KIF2A: variants seen among roughly 807,000 people sequenced by gnomAD.
KIF2A encodes kinesin family member 2A.
KIF2A carries 22 observed loss-of-function variants against 100.2 expected under a neutral mutation model. That is an observed-to-expected ratio of 0.22 (90% CI 0.16 to 0.31). KIF2A has a LOEUF of 0.31. Ranked by LOEUF, KIF2A falls within the 10% of genes least tolerant of loss-of-function variation. KIF2A has a pLI of 1.00. For missense variants in KIF2A, 495 were observed against 898.7 expected (o/e 0.55, Z 5.74); for synonymous variants, 268 against 285.9 (o/e 0.94, Z 0.63).
At chr5:62,364,799 G>A (rs1740988143) in intron 14 of KIF2A, among the ~76,000 whole-genome samples, 1 of 151,976 alleles carries the variant, frequency 6.6e-6, no homozygotes, top group African/African-American at 2.4e-5. Flanking sequence ...TCTACACTAT[G>A]CTTTAAAACT....
chr5:62,381,954 C>T (rs1054658466), intron 20 of KIF2A, among the ~76,000 whole-genome samples: 6 of 152,154 alleles, frequency 3.9e-5, no homozygotes, highest in Non-Finnish European at 5.9e-5. Context: ...CCTACTAAGT[C>T]GTGTCTTTTT....
chr5:62,333,645 G>A (rs150879521), intron 1 of KIF2A, among the ~76,000 whole-genome samples: 2,402 of 152,218 alleles, frequency 0.016, 59 homozygotes, highest in African/African-American at 0.053. Context: ...CCGTTATGGT[G>A]GTTCTCTGCC....
intron 1 of KIF2A, among the ~76,000 whole-genome samples, chr5:62,336,431 C>T (rs1012423038): frequency 2.6e-5 from 4 of 152,132 alleles, no homozygotes. Flanking sequence ...AAAGTCATAC[C>T]AATTATTGTG....
intron 1 of KIF2A, among the ~76,000 whole-genome samples, chr5:62,317,498 A>G (rs150580054): frequency 5.4e-4 from 82 of 152,382 alleles, no homozygotes; most frequent in Middle Eastern, 3.4e-3. Flanking sequence ...GACTTGTCCA[A>G]GGTCATACAT....
At position 62,390,991 on chromosome 5, in the gene KIF2A, A is replaced by G; in HGVS notation, c.*5422A>G. On this transcript the variant is annotated 3_prime_UTR_variant, in exon 21 of 21. Transcript: ENST00000407818. ...AAATCTTCTGGTATTATCTATCAAT[A>G]TAAGATTCAGAATAAATGAACGACA... 3.1e-6 allele frequency: 5 copies of G among 1,608,072 alleles called. 1 individual carries two copies. The South Asian group carries it at 4.4e-5, about 14-fold the overall frequency.
intron 1 of KIF2A, among the ~76,000 whole-genome samples, chr5:62,312,132 C>CA (rs34938516): frequency 0.055 from 8,298 of 152,228 alleles, 321 homozygotes; most frequent in East Asian, 0.13. Context: ...CAAAGAAGCT[C>CA]AAAAAACTTA....
chr5:62,340,120 A>G (rs1747217474), intron 1 of KIF2A, among the ~76,000 whole-genome samples: 1 of 151,972 alleles, frequency 6.6e-6, no homozygotes, highest in South Asian at 2.1e-4. Context: ...TGTTTTTAGT[A>G]GAGAGGGGGT....
At chr5:62,333,089 C>A (rs531581810) in intron 1 of KIF2A, among the ~76,000 whole-genome samples, 1 of 152,152 alleles carries the variant, frequency 6.6e-6, no homozygotes, top group Non-Finnish European at 1.5e-5. Context: ...AACAGTCTAT[C>A]GATTATATTT....
chr5:62,364,718 T>C (rs73102077), intron 14 of KIF2A, among the ~76,000 whole-genome samples: 2,491 of 152,312 alleles, frequency 0.016, 60 homozygotes, highest in African/African-American at 0.058. Flanking sequence ...TCCAGAAATA[T>C]CTGTTGGAAG....
rs1024470548 is a variant in KIF2A, at chr5:62,355,022, C to T, written c.559-137C>T. 1.1e-5 allele frequency: 6 copies of T among 526,152 alleles called. No homozygotes were observed. In the African/African-American group the frequency reaches 1.2e-4, roughly 10 times the overall value. The allele number at this position is 526,152 out of a possible 1,614,324, so 32.6% of individuals were successfully genotyped here. On this transcript the variant is annotated intron_variant, in intron 6 of 20. Coordinates refer to ENST00000407818, the MANE Select transcript of KIF2A (RefSeq NM_001098511.3). The stretch of plus-strand genomic sequence containing the variant: ...TTATTATGAAACCACAACTGTGAAA[C>T]TATATAATATCGTCAGTTTAAGTTT...
chr5:62,339,456 C>T (rs1047682533), intron 1 of KIF2A, among the ~76,000 whole-genome samples: 5 of 147,026 alleles, frequency 3.4e-5, no homozygotes, highest in Non-Finnish European at 4.5e-5. Flanking sequence ...AACTATCACA[C>T]AGCCACTATC....
chr5:62,368,488 G>A lies in KIF2A; in HGVS notation c.1646+2007G>A, dbSNP rs1318613412. On this transcript the variant is annotated intron_variant, in intron 16 of 20. Transcript: ENST00000407818. ...AAAATATAATCACTTCTTTAAAAAT[G>A]TAATAGGGCCAGGCGCGGTGGCTTA... Among the ~76,000 whole-genome samples, 4 of 152,028 alleles carry A rather than the reference G, an allele frequency of 2.6e-5. No homozygotes were observed. The East Asian group carries it at 5.8e-4, about 22-fold the overall frequency.
Position 62,373,853 on chromosome 5 carries a change from T to C in KIF2A, c.1911+16T>C. ...TGAACAAAATGTGAGTGTACTATGG[T>C]TGTAAATGTTATAATCTTAGTTCAT... On this transcript the variant is annotated intron_variant, in intron 18 of 20. Coordinates refer to ENST00000407818, the MANE Select transcript of KIF2A (RefSeq NM_001098511.3). 1.3e-6 allele frequency: 2 copies of C among 1,578,424 alleles called. No homozygotes were observed. Among genetic ancestry groups the C allele is most frequent in the Non-Finnish European group, 1.7e-6 (2 of 1,150,040 alleles).
At chr5:62,333,504 A>C (rs1177728962) in intron 1 of KIF2A, among the ~76,000 whole-genome samples, 1 of 152,176 alleles carries the variant, frequency 6.6e-6, no homozygotes, top group South Asian at 2.1e-4. Flanking sequence ...CAATCTGTGC[A>C]AGTTTAGTGA....
intron 1 of KIF2A, among the ~76,000 whole-genome samples, chr5:62,319,372 G>C (rs1268696429): frequency 6.6e-6 from 1 of 152,140 alleles, no homozygotes; most frequent in East Asian, 1.9e-4. Flanking sequence ...TGCCTCTTCA[G>C]TCTTATTCTT....
chr5:62,368,279 T>A (rs907736636), intron 16 of KIF2A, among the ~76,000 whole-genome samples: 2 of 151,938 alleles, frequency 1.3e-5, no homozygotes, highest in Non-Finnish European at 2.9e-5. Flanking sequence ...TTTTTTCCTC[T>A]TTTTAAAAAT....
Position 62,373,449 on chromosome 5 carries a change from A to G in KIF2A, c.1761-238A>G, listed in dbSNP as rs247218. Reference sequence around the variant, plus strand: ...TCTACATACTGTTCTCATTTAATTTACACAATAATTATATTTGATATAATA... The same window carrying G: ...TCTACATACTGTTCTCATTTAATTTGCACAATAATTATATTTGATATAATA... On this transcript the variant is annotated intron_variant, in intron 17 of 20. Coordinates refer to ENST00000407818, the MANE Select transcript of KIF2A (RefSeq NM_001098511.3). Among the ~76,000 whole-genome samples the G allele has an allele frequency of 0.49, 74,014 of 151,724 alleles. 19,018 individuals carry two copies. Among genetic ancestry groups the G allele is most frequent in the African/African-American group, 0.64 (26,533 of 41,396 alleles).
chr5:62,327,085 G>T (rs536456626), intron 1 of KIF2A, among the ~76,000 whole-genome samples: 1 of 152,258 alleles, frequency 6.6e-6, no homozygotes, highest in South Asian at 2.1e-4. Flanking sequence ...CCTTCACTTA[G>T]CTTCTGTGAC....
chr5:62,358,445 G>T (rs1285484411), intron 9 of KIF2A, 146 bp downstream of exon 9: 1 of 565,686 alleles, frequency 1.8e-6, no homozygotes, highest in East Asian at 3.2e-5. Context: ...TGTAATAAAT[G>T]CTGTAATGAA....
Sources: allele counts gnomAD v4.1 joint callset (sites outside exome capture counted in the v4.1 genomes callset), GRCh38; gene constraint gnomAD v4.1.1; transcripts MANE v1.5; gene names NCBI Gene and HGNC (gene_info 2026-07-23, HGNC 2026-07-21).